The following VAV1 variants were observed in gnomAD, a reference collection of about 807,000 sequenced individuals.
VAV1 encodes vav guanine nucleotide exchange factor 1.
Under a neutral mutation model 128.1 loss-of-function variants are expected in VAV1, and 33 were observed. The observed-to-expected ratio is 0.26, with a 90% CI of 0.20 to 0.34. VAV1 has a LOEUF of 0.34. Ranked by LOEUF, VAV1 falls within the 10% of genes least tolerant of loss-of-function variation. The pLI, the probability that VAV1 is intolerant of heterozygous loss-of-function variation, is 1.00. For synonymous variants in VAV1, 394 were observed against 409.8 expected, an observed-to-expected ratio of 0.96 and a Z score of 0.47; for missense variants, 715 against 1,093.7, an observed-to-expected ratio of 0.65 and a Z score of 4.88.
chr19:6,830,504 G>A (rs1159171064), intron 14 of VAV1, among the ~76,000 whole-genome samples: 1 of 150,004 alleles, frequency 6.7e-6, no homozygotes, highest in African/African-American at 2.5e-5. Flanking sequence ...CAGTGGCACG[G>A]TCTTGGCTCA....
At chr19:6,791,000 C>T (rs1971006098) in intron 1 of VAV1, among the ~76,000 whole-genome samples, 1 of 152,190 alleles carries the variant, frequency 6.6e-6, no homozygotes, top group African/African-American at 2.4e-5. Context: ...CCTCCAGAGT[C>T]GAGTCCTGCC....
intron 1 of VAV1, among the ~76,000 whole-genome samples, chr19:6,814,686 T>TCTCTCTCTCTCTCTC (rs1568299290): frequency 1.7e-5 from 2 of 117,970 alleles, no homozygotes; most frequent in African/African-American, 8.0e-5. Flanking sequence ...CTTTCTTTCT[T>TCTCTCTCTCTCTCTC]TCTTTCTTTC....
rs572487784 is a variant in VAV1 at position 6,802,141 on chromosome 19, G to A, written c.205-18561G>A. Among the ~76,000 whole-genome samples the A allele has an allele frequency of 1.2e-3, 189 of 152,112 alleles. 2 individuals are homozygous for A. Among genetic ancestry groups the A allele is most frequent in the African/African-American group, 4.5e-3 (186 of 41,474 alleles). On this transcript the variant is annotated intron_variant, in intron 1 of 26. Coordinates refer to ENST00000602142, the MANE Select transcript of VAV1 (RefSeq NM_005428.4). ...CACTTATAGGTGGGAATTGAACAAT[G>A]AGAACACATGGGCACAGGAAGGGGA...
chr19:6,845,600 A>T (rs1294373603), intron 22 of VAV1, among the ~76,000 whole-genome samples: 1 of 150,986 alleles, frequency 6.6e-6, no homozygotes, highest in East Asian at 1.9e-4. Flanking sequence ...TTATGTTTAC[A>T]ACCTATTATA....
At chr19:6,821,975 G>A (rs1021469920) in intron 4 of VAV1, 116 bp downstream of exon 4, 5 of 1,405,666 alleles carry the variant, frequency 3.6e-6, no homozygotes, top group South Asian at 1.2e-5. Flanking sequence ...GGTGTCTGGG[G>A]CACACAACCT....
intron 1 of VAV1, among the ~76,000 whole-genome samples, chr19:6,800,279 C>T (rs965097421): frequency 2.0e-5 from 3 of 151,800 alleles, no homozygotes; most frequent in Non-Finnish European, 4.4e-5. Flanking sequence ...GCCAGCTGCT[C>T]AGCATGCTTC....
Position 6,821,606 on chromosome 19 carries a change from C to T in VAV1, c.322-16C>T. On this transcript the variant is annotated splice_polypyrimidine_tract_variant and intron_variant, in intron 2 of 26. Transcript: ENST00000602142. ...GTGTACAAGGGGCTCACTGAGTGGC[C>T]ACTGCCCCGTCACAGGTCATCTACA... 1 of 1,613,678 alleles carries T rather than the reference C, an allele frequency of 6.2e-7. No homozygotes were observed. The highest frequency in any genetic ancestry group is 1.1e-5 in the South Asian group (1 of 91,040).
intron 1 of VAV1, among the ~76,000 whole-genome samples, chr19:6,808,176 G>A (rs1971437110): frequency 6.6e-6 from 1 of 151,880 alleles, no homozygotes; most frequent in South Asian, 2.1e-4. Context: ...GCCAGGTGTG[G>A]TGGCAGGTGC....
chr19:6,802,663 G>A (rs1330883649), intron 1 of VAV1, among the ~76,000 whole-genome samples: 2 of 152,118 alleles, frequency 1.3e-5, no homozygotes, highest in South Asian at 2.1e-4. Flanking sequence ...GCCCATGAGC[G>A]CCCTCATTAT....
At chr19:6,811,804 C>T (rs1171154025) in intron 1 of VAV1, among the ~76,000 whole-genome samples, 1 of 152,156 alleles carries the variant, frequency 6.6e-6, no homozygotes, top group Non-Finnish European at 1.5e-5. Flanking sequence ...CTGTAACAAA[C>T]AAGACATTTC....
intron 1 of VAV1, among the ~76,000 whole-genome samples, chr19:6,785,251 A>G (rs1970862557): frequency 6.6e-6 from 1 of 151,844 alleles, no homozygotes; most frequent in Non-Finnish European, 1.5e-5. Context: ...AGCTCACTGC[A>G]GCCTCCAACT....
At chr19:6,782,058 A>G (rs1667220397) in intron 1 of VAV1, among the ~76,000 whole-genome samples, 1 of 152,176 alleles carries the variant, frequency 6.6e-6, no homozygotes, top group South Asian at 2.1e-4. Flanking sequence ...TTGGCCGTGC[A>G]CATGGCTCAC....
chr19:6,801,593 C>T (rs1056208676), intron 1 of VAV1, among the ~76,000 whole-genome samples: 3 of 152,098 alleles, frequency 2.0e-5, no homozygotes, highest in Non-Finnish European at 4.4e-5. Context: ...GATGAAGGGG[C>T]TGATGGGTTG....
At chr19:6,816,080 C>A (rs1320805388) in intron 1 of VAV1, among the ~76,000 whole-genome samples, 2 of 144,022 alleles carry the variant, frequency 1.4e-5, no homozygotes, top group African/African-American at 2.7e-5. Flanking sequence ...AGTGCAGTGG[C>A]GCAATCTCGG....
intron 1 of VAV1, among the ~76,000 whole-genome samples, chr19:6,780,324 G>A (rs924144655): frequency 1.3e-5 from 2 of 149,770 alleles, no homozygotes; most frequent in African/African-American, 4.9e-5. Context: ...CTAGAAAAGT[G>A]TTTAGCTGCA....
intron 1 of VAV1, among the ~76,000 whole-genome samples, chr19:6,798,905 A>ACCCCCCCCCTCCCCCCCCCCCTCCCC (rs1971201862): frequency 1.1e-5 from 1 of 88,698 alleles, no homozygotes; most frequent in Non-Finnish European, 2.3e-5. Context: ...CCTCCATCCC[A>ACCCCCCCCCTCCCCCCCCCCCTCCCC]CCCCTCCCTG....
chr19:6,798,696 A>G (rs1012688660), intron 1 of VAV1, among the ~76,000 whole-genome samples: 7 of 151,400 alleles, frequency 4.6e-5, no homozygotes, highest in African/African-American at 1.7e-4. Flanking sequence ...AAAAAGAAAG[A>G]ATCAGGGTCT....
intron 1 of VAV1, among the ~76,000 whole-genome samples, chr19:6,791,625 T>A (rs921907999): frequency 6.6e-6 from 1 of 152,208 alleles, no homozygotes; most frequent in Admixed American, 6.5e-5. Flanking sequence ...TGTTCACAGG[T>A]CACCTTCACA....
Position 6,822,939 on chromosome 19 carries a change from T to C in VAV1, c.654+425T>C, listed in dbSNP as rs899389520. On this transcript the variant is annotated intron_variant, in intron 6 of 26. Coordinates refer to ENST00000602142, the MANE Select transcript of VAV1 (RefSeq NM_005428.4). This position sits in a 1 kb window ranked among gnomAD's most constrained non-coding sequence, Gnocchi z 5.9. ...AAGATATAAAATATATAGTTTTTCA[T>C]ATAGAGCTATATGTAAATAATATAT... Among the ~76,000 whole-genome samples, 1 of 147,468 alleles carries C rather than the reference T, an allele frequency of 6.8e-6. No individual in the cohort carries two copies. The highest frequency in any genetic ancestry group is 2.1e-4 in the South Asian group (1 of 4,798).
Sources: gnomAD v4.1 joint callset for allele counts (sites outside exome capture counted in the v4.1 genomes callset) on GRCh38, gnomAD v4.1.1 for gene constraint, Gnocchi (gnomAD v3.1) non-coding constraint, MANE v1.5 for transcripts, NCBI Gene and HGNC (gene_info 2026-07-23, HGNC 2026-07-21) for gene names.